Variants in CTNND2 observed in about 807,000 individuals in gnomAD.
CTNND2 encodes the protein catenin delta 2, also known as catenin delta-2.
In CTNND2, 22 loss-of-function variants were observed where a neutral mutation model predicts 144.4. That is an observed-to-expected ratio of 0.15 (90% confidence interval 0.11 to 0.22). The LOEUF is 0.22. CTNND2 is among the 10% of genes least tolerant of loss of function. CTNND2 has a pLI of 1.00. For synonymous variants in CTNND2, 751 were observed against 695.6 expected (o/e 1.08, Z -1.25); for missense variants, 1,353 against 1,618.8 (o/e 0.84, Z 2.82).
At chr5:10,992,402 C>G in intron 19 of CTNND2, 149 bp downstream of exon 19, 1 of 1,105,058 alleles carries the variant, frequency 9.0e-7, no homozygotes, top group Non-Finnish European at 1.3e-6. Flanking sequence ...GTGGCCACCA[C>G]AGTACAAAGA....
At chr5:11,342,036 A>G (rs1024819436) in intron 9 of CTNND2, among the ~76,000 whole-genome samples, 1 of 152,044 alleles carries the variant, frequency 6.6e-6, no homozygotes, top group Non-Finnish European at 1.5e-5. Flanking sequence ...TTTATAGTAT[A>G]TTTTGTTTCC....
intron 9 of CTNND2, among the ~76,000 whole-genome samples, chr5:11,264,349 G>T (rs900678625): frequency 6.6e-6 from 1 of 152,184 alleles, no homozygotes; most frequent in Non-Finnish European, 1.5e-5. Context: ...AGTGGGCATG[G>T]CTATGTTCCA....
intron 18 of CTNND2, among the ~76,000 whole-genome samples, chr5:11,000,904 TG>T (rs34511010): frequency 6.6e-6 from 1 of 152,190 alleles, no homozygotes; most frequent in Non-Finnish European, 1.5e-5. Flanking sequence ...CTCCCCCAAA[TG>T]GATGCTAATG....
chr5:11,847,128 TTATATATATATATA>T (rs56978156), intron 1 of CTNND2, among the ~76,000 whole-genome samples: 12,417 of 72,364 alleles, frequency 0.17, 1,074 homozygotes, highest in Non-Finnish European at 0.21. Flanking sequence ...GTCAAAGATT[TTATATATATATATA>T]TATATATATA....
chr5:11,467,209 G>T (rs1766764295), intron 3 of CTNND2, among the ~76,000 whole-genome samples: 1 of 152,208 alleles, frequency 6.6e-6, no homozygotes, highest in South Asian at 2.1e-4. Context: ...CTGGAGCAAG[G>T]CCCCTGGGGA....
At chr5:11,061,718 T>C (rs549591540) in intron 16 of CTNND2, among the ~76,000 whole-genome samples, 1 of 148,982 alleles carries the variant, frequency 6.7e-6, no homozygotes, top group Non-Finnish European at 1.5e-5. Context: ...TTCTTTCTCT[T>C]TTTTTTTTAG....
chr5:11,207,049 T>C (rs1458578015), intron 10 of CTNND2, among the ~76,000 whole-genome samples: 3 of 152,218 alleles, frequency 2.0e-5, no homozygotes. Flanking sequence ...TGGACTACTA[T>C]GCAGCCATAT....
At chr5:11,775,635 T>C (rs1790209149) in intron 1 of CTNND2, among the ~76,000 whole-genome samples, 1 of 152,206 alleles carries the variant, frequency 6.6e-6, no homozygotes, top group South Asian at 2.1e-4. Context: ...CAGGGAGGAC[T>C]GCGGTTGCTC....
chr5:11,838,574 T>G (rs1181018411), intron 1 of CTNND2, among the ~76,000 whole-genome samples: 2 of 152,192 alleles, frequency 1.3e-5, no homozygotes, highest in Admixed American at 6.5e-5. Flanking sequence ...CAGTTTCAAG[T>G]AGCTGACTAC....
At chr5:11,090,615 G>A (rs2907111) in intron 15 of CTNND2, among the ~76,000 whole-genome samples, 22,275 of 152,066 alleles carry the variant, frequency 0.15, 2,034 homozygotes, top group African/African-American at 0.26. Context: ...GATGATCTGA[G>A]GTGGAACAGT....
intron 9 of CTNND2, among the ~76,000 whole-genome samples, chr5:11,262,761 C>T (rs1457999372): frequency 1.1e-4 from 5 of 45,682 alleles, no homozygotes; most frequent in Admixed American, 7.5e-4. Flanking sequence ...GACTCTGTCT[C>T]AAAAAAAAAA....
chr5:11,046,897 C>T (rs1478953007), intron 16 of CTNND2, among the ~76,000 whole-genome samples: 1 of 152,176 alleles, frequency 6.6e-6, no homozygotes, highest in Admixed American at 6.5e-5. Flanking sequence ...GTTAACAAAG[C>T]ACAGAGCCAG....
At chr5:11,232,847 T>C (rs1050297399) in intron 10 of CTNND2, among the ~76,000 whole-genome samples, 17 of 152,220 alleles carry the variant, frequency 1.1e-4, no homozygotes, top group Admixed American at 3.9e-4. Context: ...TTTTGAATTG[T>C]AATAATCCCC....
intron 1 of CTNND2, among the ~76,000 whole-genome samples, chr5:11,838,500 A>G (rs987253123): frequency 6.6e-6 from 1 of 152,150 alleles, no homozygotes; most frequent in East Asian, 1.9e-4. Context: ...CTCTCCAAGT[A>G]AGGACAGGGA....
At chr5:11,424,399 G>A (rs1762608910) in intron 3 of CTNND2, among the ~76,000 whole-genome samples, 1 of 152,148 alleles carries the variant, frequency 6.6e-6, no homozygotes, top group South Asian at 2.1e-4. Flanking sequence ...TTTAAATCTT[G>A]ATTGTGGCAT....
chr5:11,316,851 T>C (rs1005015463), intron 9 of CTNND2, among the ~76,000 whole-genome samples: 11 of 152,160 alleles, frequency 7.2e-5, no homozygotes, highest in African/African-American at 2.4e-4. Context: ...TAGTATTCCA[T>C]GGTGTATATG....
intron 9 of CTNND2, among the ~76,000 whole-genome samples, chr5:11,311,694 C>T (rs566620584): frequency 6.9e-6 from 1 of 145,618 alleles, no homozygotes; most frequent in Non-Finnish European, 1.5e-5. Flanking sequence ...CACTCACTCT[C>T]CATGCACCCT....
At chr5:11,568,256 C>A (rs1777280141) in intron 2 of CTNND2, among the ~76,000 whole-genome samples, 1 of 152,142 alleles carries the variant, frequency 6.6e-6, no homozygotes, top group South Asian at 2.1e-4. Context: ...AGAAAGGGCA[C>A]CTTGCCTTTC....
At chr5:11,556,868 TCAA>T (rs34340597) in intron 3 of CTNND2, among the ~76,000 whole-genome samples, 4,951 of 152,172 alleles carry the variant, frequency 0.033, 284 homozygotes, top group African/African-American at 0.11. Flanking sequence ...GCTAACAACA[TCAA>T]CATCTTGGGA....
Sources: gnomAD v4.1 joint callset for allele counts (sites outside exome capture counted in the v4.1 genomes callset) on GRCh38, gnomAD v4.1.1 for gene constraint, MANE v1.5 for transcripts, NCBI Gene and HGNC (gene_info 2026-07-23, HGNC 2026-07-21) for gene names.